The following EPHB1 variants were observed in gnomAD, a reference collection of about 807,000 sequenced individuals.
The protein encoded by EPHB1 is EPH receptor B1, also known as ephrin type-B receptor 1.
In EPHB1, 30 loss-of-function variants were observed where a neutral mutation model predicts 94.4. The ratio of observed to expected loss-of-function variants is 0.32; its 90% CI spans 0.24 to 0.43. EPHB1 has a LOEUF of 0.43. Ranked by LOEUF, EPHB1 falls within the 20% of genes least tolerant of loss-of-function variation. The probability of loss-of-function intolerance (pLI) is 1.00; values close to 1 mark genes in which losing one functional copy is unlikely to be tolerated. For synonymous variants in EPHB1, 522 were observed against 489.1 expected, an observed-to-expected ratio of 1.07 and a Z score of -0.89; for missense variants, 1,055 against 1,308.3, an observed-to-expected ratio of 0.81 and a Z score of 2.99.
intron 2 of EPHB1, among the ~76,000 whole-genome samples, chr3:134,938,891 G>T (rs2039061557): frequency 6.6e-6 from 1 of 152,144 alleles, no homozygotes; most frequent in African/African-American, 2.4e-5. Flanking sequence ...GGGTCTGGCG[G>T]ACTCCAGAGC....
rs186977474 is a variant in EPHB1, at chr3:135,192,472, T to C, written c.1883-104T>C. 2.2e-6 allele frequency: 3 copies of C among 1,390,168 alleles called. No homozygotes were observed. The African/African-American group carries it at 4.3e-5, about 20-fold the overall frequency. 86.1% of individuals were successfully genotyped at this position (1,390,168 alleles called of 1,614,324 possible). A position where few individuals can be genotyped will look rare whatever the true frequency, so the allele number is the denominator to read the frequency against. Reference sequence around the variant, plus strand: ...ACTGTTTTAATTTCCGCCACTTTAATCACAATTCCACTTGGGGCACCATTG... The same window carrying C: ...ACTGTTTTAATTTCCGCCACTTTAACCACAATTCCACTTGGGGCACCATTG... On this transcript the variant is annotated intron_variant, in intron 10 of 15. Coordinates refer to ENST00000398015, the MANE Select transcript of EPHB1 (RefSeq NM_004441.5).
intron 5 of EPHB1, among the ~76,000 whole-genome samples, chr3:135,139,850 A>T (rs190591587): frequency 1.0e-3 from 154 of 152,342 alleles, no homozygotes; most frequent in African/African-American, 3.5e-3. Flanking sequence ...TTATTGTTCA[A>T]CAGACCAGTT....
Position 135,183,034 on chromosome 3 carries a change from C to CTTTTCTTTTCT in EPHB1, c.1882+3055_1882+3056insTCTTTTCTTTT, listed in dbSNP as rs10694308. 4.9e-3 allele frequency among the ~76,000 whole-genome samples: 308 copies of CTTTTCTTTTCT among 62,294 alleles called. 1 individual carries two copies. Among genetic ancestry groups the CTTTTCTTTTCT allele is most frequent in the Non-Finnish European group, 5.8e-3 (178 of 30,492 alleles). The allele number at this position is 62,294 out of a possible 152,430, so 40.9% of individuals were successfully genotyped here. A position where few individuals can be genotyped will look rare whatever the true frequency, so the allele number is the denominator to read the frequency against. Reference sequence around the variant, plus strand: ...TCTTTTCTTTTCTTTTCTTTTCTTTCTTTCTTTCTTTCTTTCTTTCTTTCT... The same window carrying CTTTTCTTTTCT: ...TCTTTTCTTTTCTTTTCTTTTCTTTCTTTTCTTTTCTTTTCTTTCTTTCTTTCTTTCTTTCT... On this transcript the variant is annotated intron_variant, in intron 10 of 15. Coordinates refer to ENST00000398015, the MANE Select transcript of EPHB1 (RefSeq NM_004441.5).
At chr3:134,868,598 T>A (rs947011663) in intron 1 of EPHB1, among the ~76,000 whole-genome samples, 1 of 152,174 alleles carries the variant, frequency 6.6e-6, no homozygotes, top group Non-Finnish European at 1.5e-5. Flanking sequence ...GGAAAGGATC[T>A]CAGAGGGCTT....
chr3:135,042,100 T>A (rs1005900927), intron 3 of EPHB1, among the ~76,000 whole-genome samples: 3 of 152,204 alleles, frequency 2.0e-5, no homozygotes, highest in Non-Finnish European at 2.9e-5. Flanking sequence ...GCTAATTTTT[T>A]AAATATCTTT....
chr3:135,172,845 G>A lies in EPHB1; in HGVS notation c.1759+5839G>A, dbSNP rs1941843962. Reference sequence around the variant, plus strand: ...TAGATTCACCCATGTGTCTGCTGCTGGCTGTAAGCCAGAGACTCAAGAAAC... The same window carrying A: ...TAGATTCACCCATGTGTCTGCTGCTAGCTGTAAGCCAGAGACTCAAGAAAC... On this transcript the variant is annotated intron_variant, in intron 9 of 15. Transcript: ENST00000398015. Among the ~76,000 whole-genome samples the A allele has an allele frequency of 2.0e-5, 3 of 152,178 alleles. No individual in the cohort carries two copies. The South Asian group carries it at 6.2e-4, about 31-fold the overall frequency.
chr3:135,083,187 G>A (rs151103049), intron 3 of EPHB1, among the ~76,000 whole-genome samples: 65 of 152,322 alleles, frequency 4.3e-4, no homozygotes, highest in African/African-American at 1.4e-3. Flanking sequence ...GCTGTAGAAA[G>A]TCATGTCAGG....
intron 1 of EPHB1, among the ~76,000 whole-genome samples, chr3:134,904,976 C>T (rs1418021783): frequency 1.3e-5 from 2 of 152,152 alleles, no homozygotes; most frequent in East Asian, 1.9e-4. Flanking sequence ...CACAGGACTG[C>T]ACTTGGAGAG....
chr3:135,131,847 T>G (rs2107686768), intron 4 of EPHB1, among the ~76,000 whole-genome samples: 1 of 152,318 alleles, frequency 6.6e-6, no homozygotes, highest in East Asian at 1.9e-4. Flanking sequence ...AGAGCAGGGC[T>G]ATAGTTGAGA....
At chr3:135,039,525 T>G (rs1011312571) in intron 3 of EPHB1, among the ~76,000 whole-genome samples, 2 of 152,062 alleles carry the variant, frequency 1.3e-5, no homozygotes, top group Non-Finnish European at 2.9e-5. Context: ...GCCCACGGAG[T>G]GGGTGGGAGG....
At chr3:135,119,830 A>T (rs1293809408) in intron 4 of EPHB1, among the ~76,000 whole-genome samples, 1 of 152,044 alleles carries the variant, frequency 6.6e-6, no homozygotes, top group African/African-American at 2.4e-5. Context: ...TTTGCATAGG[A>T]TGTGATATCA....
intron 1 of EPHB1, among the ~76,000 whole-genome samples, chr3:134,819,808 C>T (rs958811759): frequency 1.3e-5 from 2 of 152,182 alleles, no homozygotes; most frequent in Non-Finnish European, 2.9e-5. Flanking sequence ...GCCTCTGTTG[C>T]CTTCTTTTCT....
At chr3:134,879,248 T>C (rs2037679346) in intron 1 of EPHB1, among the ~76,000 whole-genome samples, 1 of 152,122 alleles carries the variant, frequency 6.6e-6, no homozygotes, top group South Asian at 2.1e-4. Flanking sequence ...TCTAAGGAAC[T>C]GAAACCATTG....
intron 9 of EPHB1, among the ~76,000 whole-genome samples, chr3:135,168,441 C>T (rs1023311127): frequency 6.6e-6 from 1 of 152,244 alleles, no homozygotes; most frequent in African/African-American, 2.4e-5. Context: ...AGGGATCAAC[C>T]CTGCTGTGTT....
At chr3:135,128,910 C>A (rs1441433811) in intron 4 of EPHB1, among the ~76,000 whole-genome samples, 1 of 152,116 alleles carries the variant, frequency 6.6e-6, no homozygotes, top group Non-Finnish European at 1.5e-5. Context: ...AAGACACACC[C>A]CTGCCCTCAA....
chr3:135,086,637 C>T (rs754242089), intron 3 of EPHB1, among the ~76,000 whole-genome samples: 1 of 151,994 alleles, frequency 6.6e-6, no homozygotes, highest in Non-Finnish European at 1.5e-5. Flanking sequence ...AAGCCTGCAT[C>T]AGTTGTCATC....
In EPHB1 at chr3:135,076,039, C is replaced by G. The variant is rs79888813; in HGVS notation, c.806-30409C>G. Among the ~76,000 whole-genome samples, 14 of 152,130 alleles carry G rather than the reference C, an allele frequency of 9.2e-5. No individual in the cohort carries two copies. The East Asian group carries it at 2.7e-3, about 29-fold the overall frequency. ...ATAAGCAGGAAAAACAAGATTACCTCACACCATATACAAATATTAACTCCA... is the reference window on the plus strand; with the variant it reads ...ATAAGCAGGAAAAACAAGATTACCTGACACCATATACAAATATTAACTCCA... On this transcript the variant is annotated intron_variant, in intron 3 of 15. Coordinates refer to ENST00000398015, the MANE Select transcript of EPHB1 (RefSeq NM_004441.5).
intron 3 of EPHB1, among the ~76,000 whole-genome samples, chr3:135,065,837 C>A (rs1422979421): frequency 6.6e-6 from 1 of 152,126 alleles, no homozygotes; most frequent in Non-Finnish European, 1.5e-5. Flanking sequence ...GATATGTTTC[C>A]AGCATTTGTT....
At chr3:134,899,262 G>A (rs2038149503) in intron 1 of EPHB1, among the ~76,000 whole-genome samples, 1 of 152,040 alleles carries the variant, frequency 6.6e-6, no homozygotes, top group Non-Finnish European at 1.5e-5. Flanking sequence ...TCAGCTGCAG[G>A]GCTTCAGGGA....
Sources: gnomAD v4.1 joint callset for allele counts (sites outside exome capture counted in the v4.1 genomes callset) on GRCh38, gnomAD v4.1.1 for gene constraint, MANE v1.5 for transcripts, NCBI Gene and HGNC (gene_info 2026-07-23, HGNC 2026-07-21) for gene names.